Variants in PID1 observed in about 807,000 individuals in gnomAD.
The protein encoded by PID1 is phosphotyrosine interaction domain containing 1.
A neutral mutation model predicts 19.1 loss-of-function variants in PID1; 10 were observed. The observed-to-expected ratio is 0.52, with a 90% CI of 0.32 to 0.89. PID1 has a LOEUF of 0.89. Among genes scored for constraint, PID1 ranks in the 40% least tolerant of loss-of-function variants. The pLI, the probability that PID1 is intolerant of heterozygous loss-of-function variation, is 0.03. For synonymous variants in PID1, 130 were observed against 116.0 expected, an observed-to-expected ratio of 1.12 and a Z score of -0.78; for missense variants, 248 against 285.3, an observed-to-expected ratio of 0.87 and a Z score of 0.94.
At chr2:229,027,251 T>G (rs926187024) in intron 2 of PID1, among the ~76,000 whole-genome samples, 7 of 152,186 alleles carry the variant, frequency 4.6e-5, no homozygotes, top group African/African-American at 1.7e-4. Context: ...GAGTAGTCCC[T>G]TTAAGAAAAT....
intron 2 of PID1, among the ~76,000 whole-genome samples, chr2:229,122,817 G>A (rs2106159761): frequency 6.6e-6 from 1 of 152,228 alleles, no homozygotes; most frequent in South Asian, 2.1e-4. Flanking sequence ...GTGGAATGGA[G>A]GCAGGGAAAG....
At position 229,130,713 on chromosome 2, in the gene PID1, C is replaced by T. The variant is rs185374296; in HGVS notation, c.177+25105G>A. Among the ~76,000 whole-genome samples the T allele has an allele frequency of 6.6e-5, 10 of 152,298 alleles. No individual in the cohort carries two copies. In the East Asian group the frequency reaches 1.9e-3, roughly 29 times the overall value. ...CATCTTGCGTCATCAGCACCTAGCT[C>T]GGCTCTGATACAAAGCAGATGCCCC... On this transcript the variant is annotated intron_variant, in intron 2 of 2. Coordinates refer to ENST00000392055, the MANE Select transcript of PID1 (RefSeq NM_001100818.2).
chr2:229,238,238 G>C (rs1344475331), intron 1 of PID1, among the ~76,000 whole-genome samples: 1 of 152,162 alleles, frequency 6.6e-6, no homozygotes, highest in Non-Finnish European at 1.5e-5. Context: ...GTTTTTTAAA[G>C]GGGTTGGGTT....
chr2:229,080,044 C>T (rs541931982), intron 2 of PID1, among the ~76,000 whole-genome samples: 29 of 152,144 alleles, frequency 1.9e-4, no homozygotes, highest in Admixed American at 1.2e-3. Flanking sequence ...ACAGGTGAGG[C>T]GGGGCCTCTC....
chr2:229,141,501 A>T (rs753820069), intron 2 of PID1, among the ~76,000 whole-genome samples: 9 of 152,126 alleles, frequency 5.9e-5, no homozygotes, highest in Admixed American at 1.3e-4. Flanking sequence ...ACTAATAGGA[A>T]AGTGTTTCCA....
At chr2:229,196,680 C>T (rs1691385304) in intron 1 of PID1, among the ~76,000 whole-genome samples, 1 of 152,014 alleles carries the variant, frequency 6.6e-6, no homozygotes. Flanking sequence ...ACTTTGTGGT[C>T]AGACAGACCT....
intron 1 of PID1, among the ~76,000 whole-genome samples, chr2:229,209,822 G>A (rs1691688150): frequency 2.0e-5 from 3 of 151,884 alleles, no homozygotes; most frequent in Admixed American, 2.0e-4. Flanking sequence ...TGCCTACTCA[G>A]GTTCATTTTT....
intron 1 of PID1, among the ~76,000 whole-genome samples, chr2:229,224,363 G>T (rs1559292616): frequency 6.6e-6 from 1 of 152,070 alleles, no homozygotes; most frequent in Non-Finnish European, 1.5e-5. Context: ...CTCTTTCTGA[G>T]CCCCTACACT....
At chr2:229,063,123 T>C (rs1372282407) in intron 2 of PID1, among the ~76,000 whole-genome samples, 1 of 152,082 alleles carries the variant, frequency 6.6e-6, no homozygotes, top group African/African-American at 2.4e-5. Flanking sequence ...ATTACATTTA[T>C]TTCTGCTCTT....
rs567634096 is a variant in PID1, at chr2:229,072,713, A to C, written c.178-46605T>G. ...GTATTAAAAACATGTATTGTTACGTATTTGGCAGTTGTGCTTCGCTGTTTT... is the reference window on the plus strand; with the variant it reads ...GTATTAAAAACATGTATTGTTACGTCTTTGGCAGTTGTGCTTCGCTGTTTT... On this transcript the variant is annotated intron_variant, in intron 2 of 2. Transcript: ENST00000392055. Among the ~76,000 whole-genome samples, 22 of 152,276 alleles carry C rather than the reference A, an allele frequency of 1.4e-4. 1 individual carries two copies. In the South Asian group the frequency reaches 2.5e-3, roughly 17 times the overall value.
chr2:229,210,621 A>G (rs1380307536), intron 1 of PID1, among the ~76,000 whole-genome samples: 1 of 151,586 alleles, frequency 6.6e-6, no homozygotes, highest in African/African-American at 2.4e-5. Flanking sequence ...TACACAAGTA[A>G]AGATAAAATT....
chr2:229,143,647 C>T (rs921421539), intron 2 of PID1, among the ~76,000 whole-genome samples: 3 of 152,132 alleles, frequency 2.0e-5, no homozygotes, highest in Admixed American at 1.3e-4. Context: ...CCATCCAAAT[C>T]TCATCTTGAA....
chr2:229,232,989 C>G (rs536467348), intron 1 of PID1, among the ~76,000 whole-genome samples: 7 of 151,920 alleles, frequency 4.6e-5, no homozygotes, highest in African/African-American at 1.7e-4. Flanking sequence ...AGTATGGCCA[C>G]TAAAACAAGT....
chr2:229,025,960 T>A lies in PID1; in HGVS notation c.326A>T (p.Gln109Leu). The A allele has an allele frequency of 6.2e-7, 1 of 1,614,154 alleles. No individual in the cohort carries two copies. Among genetic ancestry groups the A allele is most frequent in the Non-Finnish European group, 8.5e-7 (1 of 1,180,020 alleles). ...ANALLEIRPF[Q>L]VWLHHLDHKG... ...GTGGTCGAGATGATGGAGCCAAACT[T>A]GGAATGGCCGGATTTCCAGGAGGGC... Residue 109 changes from glutamine to leucine, a missense_variant, in exon 3 of 3, where the codon CAA becomes CTA. Physicochemically the swap from Gln to Leu is moderately radical, Grantham distance 113. Transcript: ENST00000392055.
At chr2:229,199,427 C>T (rs1006831961) in intron 1 of PID1, among the ~76,000 whole-genome samples, 1 of 152,154 alleles carries the variant, frequency 6.6e-6, no homozygotes, top group South Asian at 2.1e-4. Context: ...TCATTCTCCA[C>T]CACAGTTGGA....
chr2:229,078,705 T>A (rs938889816), intron 2 of PID1, among the ~76,000 whole-genome samples: 7 of 152,192 alleles, frequency 4.6e-5, no homozygotes, highest in Non-Finnish European at 8.8e-5. Flanking sequence ...GTTTATTGAT[T>A]TGCTTTCTTG....
intron 2 of PID1, among the ~76,000 whole-genome samples, chr2:229,088,068 A>G (rs1023615434): frequency 3.3e-5 from 5 of 152,216 alleles, no homozygotes; most frequent in Admixed American, 3.3e-4. Flanking sequence ...AGCTGCCAGG[A>G]GCAGGAACTA....
At chr2:229,232,879 A>T (rs1456901790) in intron 1 of PID1, among the ~76,000 whole-genome samples, 1 of 150,904 alleles carries the variant, frequency 6.6e-6, no homozygotes, top group Non-Finnish European at 1.5e-5. Context: ...GAAACTGCCG[A>T]AGAAAGTATA....
chr2:229,179,297 C>A (rs1690890302), intron 1 of PID1, among the ~76,000 whole-genome samples: 1 of 152,164 alleles, frequency 6.6e-6, no homozygotes, highest in Non-Finnish European at 1.5e-5. Flanking sequence ...CCATCAGCCC[C>A]CAGCCCACCC....
Sources: gnomAD v4.1 joint callset for allele counts (sites outside exome capture counted in the v4.1 genomes callset) on GRCh38, gnomAD v4.1.1 for gene constraint, MANE v1.5 for transcripts, NCBI Gene and HGNC (gene_info 2026-07-23, HGNC 2026-07-21) for gene names.